PRELID2: variants seen among roughly 807,000 people sequenced by gnomAD.
PRELID2 encodes PRELI domain containing 2.
In PRELID2, 25 loss-of-function variants were observed where a neutral mutation model predicts 28.4. The observed-to-expected ratio is 0.88, with a 90% confidence interval of 0.64 to 1.23. The LOEUF (loss-of-function observed/expected upper bound fraction) is 1.23. Among genes scored for constraint, PRELID2 ranks in the 50% most tolerant of loss-of-function variants. The pLI is 0.00. For missense variants in PRELID2, 201 were observed against 214.4 expected, an observed-to-expected ratio of 0.94 and a Z score of 0.39; for synonymous variants, 76 against 71.6, an observed-to-expected ratio of 1.06 and a Z score of -0.31.
intron 1 of PRELID2, among the ~76,000 whole-genome samples, chr5:145,621,893 C>G (rs1280597356): frequency 6.6e-6 from 1 of 152,134 alleles, no homozygotes; most frequent in Non-Finnish European, 1.5e-5. Context: ...ACACTCATAA[C>G]TCTATTTGGT....
intron 1 of PRELID2, among the ~76,000 whole-genome samples, chr5:145,517,710 T>C (rs1421111697): frequency 6.6e-6 from 1 of 152,206 alleles, no homozygotes; most frequent in African/African-American, 2.4e-5. Context: ...ATTGTAGCAC[T>C]GTTCACAATA....
rs77133741 is a variant in PRELID2 at position 145,638,158 on chromosome 5, A to G, written n.70+126773T>C. On this transcript the variant is annotated intron_variant and non_coding_transcript_variant, in intron 1 of 2. Coordinates refer to the PRELID2 transcript ENST00000510259. The stretch of plus-strand genomic sequence containing the variant: ...AACTGTCAGTTTCCTCATTGCTAGT[A>G]CTATTATTGATATTGGTACTACTAC... 2.5e-3 allele frequency among the ~76,000 whole-genome samples: 385 copies of G among 152,300 alleles called. 2 individuals are homozygous for G. Among genetic ancestry groups the G allele is most frequent in the African/African-American group, 8.9e-3 (371 of 41,560 alleles).
chr5:145,621,956 G>A (rs943106883), intron 1 of PRELID2, among the ~76,000 whole-genome samples: 6 of 151,968 alleles, frequency 3.9e-5, no homozygotes, highest in Non-Finnish European at 8.8e-5. Context: ...TCATAAATAT[G>A]TACAGTTATT....
At chr5:145,297,465 T>C in the PRELID2 span, among the ~76,000 whole-genome samples, 2 of 151,902 alleles carry the variant, frequency 1.3e-5, no homozygotes, top group African/African-American at 4.8e-5. Context: ...ATGGGACGTA[T>C]CTCAAAATAA....
intron 1 of PRELID2, among the ~76,000 whole-genome samples, chr5:145,525,983 AGGGGCT>A (rs936725455): frequency 2.0e-5 from 3 of 152,170 alleles, no homozygotes; most frequent in Non-Finnish European, 4.4e-5. Flanking sequence ...ACACTGTGCA[AGGGGCT>A]GGGAGTCAAA....
the PRELID2 span, among the ~76,000 whole-genome samples, chr5:145,391,290 A>G: frequency 6.6e-6 from 1 of 152,232 alleles, no homozygotes; most frequent in Non-Finnish European, 1.5e-5. Context: ...CCAAACCTCA[A>G]TTCTTGACTT....
At chr5:145,343,249 CT>C in the PRELID2 span, among the ~76,000 whole-genome samples, 2 of 151,956 alleles carry the variant, frequency 1.3e-5, no homozygotes, top group Non-Finnish European at 2.9e-5. Flanking sequence ...CGAACATTCT[CT>C]TAGATAGGCC....
chr5:145,754,482 C>A (rs1561574682), downstream of PRELID2: 1 of 152,118 alleles, frequency 6.6e-6, no homozygotes, highest in South Asian at 2.1e-4. Context: ...TTTAAAAATT[C>A]ATGGAAAATG....
chr5:145,354,629 C>T, the PRELID2 span, among the ~76,000 whole-genome samples: 1 of 152,114 alleles, frequency 6.6e-6, no homozygotes, highest in Non-Finnish European at 1.5e-5. Context: ...AGAATTACTT[C>T]ATATTTAACT....
intron 1 of PRELID2, among the ~76,000 whole-genome samples, chr5:145,672,230 G>A (rs1185893715): frequency 6.6e-6 from 1 of 152,074 alleles, no homozygotes; most frequent in Non-Finnish European, 1.5e-5. Flanking sequence ...TATAGAAGGG[G>A]GAAATAGTGA....
intron 1 of PRELID2, among the ~76,000 whole-genome samples, chr5:145,543,740 C>T (rs1281887857): frequency 1.3e-5 from 2 of 152,024 alleles, no homozygotes; most frequent in Non-Finnish European, 2.9e-5. Context: ...TTTTTTCCCC[C>T]TCCAACAACC....
rs112877378 is a variant in PRELID2, at chr5:145,687,162, A to G, written n.70+77769T>C. Among the ~76,000 whole-genome samples, 12 of 152,342 alleles carry G rather than the reference A, an allele frequency of 7.9e-5. 2 individuals carry two copies. The highest frequency in any genetic ancestry group is 2.9e-4 in the African/African-American group (12 of 41,586). On this transcript the variant is annotated intron_variant and non_coding_transcript_variant, in intron 1 of 2. Transcript: ENST00000510259. ...TTATTACCATGTCAATACTACTGTT[A>G]TTTAACAACCTGGCAGTGTTAATGG...
chr5:145,661,051 AC>A (rs1394742642), intron 1 of PRELID2, among the ~76,000 whole-genome samples: 1 of 152,198 alleles, frequency 6.6e-6, no homozygotes, highest in African/African-American at 2.4e-5. Context: ...AGATTGCCTT[AC>A]ATTGGGGCAT....
intron 1 of PRELID2, among the ~76,000 whole-genome samples, chr5:145,603,299 A>G (rs1473401066): frequency 3.3e-5 from 5 of 152,148 alleles, no homozygotes; most frequent in African/African-American, 1.2e-4. Context: ...CTAGAAAAAA[A>G]AAAAAGAAAA....
intron 1 of PRELID2, among the ~76,000 whole-genome samples, chr5:145,535,023 T>A (rs1190403141): frequency 6.6e-6 from 1 of 152,022 alleles, no homozygotes; most frequent in Non-Finnish European, 1.5e-5. Context: ...TAGGCAGAAT[T>A]TAACAAGTTC....
the PRELID2 span, among the ~76,000 whole-genome samples, chr5:145,274,073 G>T: frequency 6.6e-6 from 1 of 152,086 alleles, no homozygotes; most frequent in Non-Finnish European, 1.5e-5. Context: ...CACTCTAAAT[G>T]AGACAAAAAG....
chr5:145,818,760 T>C (rs954778485), intron 3 of PRELID2, among the ~76,000 whole-genome samples: 1 of 152,220 alleles, frequency 6.6e-6, no homozygotes, highest in Non-Finnish European at 1.5e-5. Flanking sequence ...TTTTAATTCA[T>C]GATAAGGAAG....
chr5:145,632,255 A>G (rs1292628080), intron 1 of PRELID2, among the ~76,000 whole-genome samples: 1 of 152,166 alleles, frequency 6.6e-6, no homozygotes, highest in Non-Finnish European at 1.5e-5. Flanking sequence ...AATGGCTACC[A>G]TTGACACCCT....
At chr5:145,434,717 A>C in the PRELID2 span, among the ~76,000 whole-genome samples, 1 of 152,328 alleles carries the variant, frequency 6.6e-6, no homozygotes, top group African/African-American at 2.4e-5. Flanking sequence ...ATCTTAGGGA[A>C]TCCAAGGAAG....
Sources: allele counts gnomAD v4.1 joint callset (sites outside exome capture counted in the v4.1 genomes callset), GRCh38; gene constraint gnomAD v4.1.1; transcripts MANE v1.5; gene names NCBI Gene and HGNC (gene_info 2026-07-23, HGNC 2026-07-21).